The following ERICH2 variants were observed in gnomAD, a reference collection of about 807,000 sequenced individuals.
The protein encoded by ERICH2 is glutamate-rich protein 2.
In ERICH2, 17 loss-of-function variants were observed where a neutral mutation model predicts 17.4. That is an observed-to-expected ratio of 0.98 (90% CI 0.67 to 1.47). The LOEUF (loss-of-function observed/expected upper bound fraction) is 1.47, where lower values mean the gene tolerates loss of function less well. Ranked by LOEUF, ERICH2 falls within the 40% of genes most tolerant of loss-of-function variation. The pLI, the probability that ERICH2 is intolerant of heterozygous loss-of-function variation, is 0.00. For missense variants in ERICH2, 186 were observed against 183.2 expected, an observed-to-expected ratio of 1.01 and a Z score of -0.09; for synonymous variants, 51 against 61.1, an observed-to-expected ratio of 0.83 and a Z score of 0.77.
intron 2 of ERICH2, 82 bp downstream of exon 7, chr2:170,784,915 T>TGAGAA: frequency 8.6e-7 from 1 of 1,159,456 alleles, no homozygotes; most frequent in Non-Finnish European, 1.1e-6. Flanking sequence ...ATCACTACTG[T>TGAGAA]GAGAACTAAA....
intron 2 of ERICH2, among the ~76,000 whole-genome samples, chr2:170,791,527 T>TAAAAAAAAAAA (rs10658304): frequency 1.2e-4 from 15 of 121,580 alleles, no homozygotes; most frequent in African/African-American, 1.8e-4. Flanking sequence ...CCGTCTCTAC[T>TAAAAAAAAAAA]AAAAAAAAAA....
chr2:170,784,851 A>C lies in ERICH2; in HGVS notation c.216+18A>C, dbSNP rs974214300. 2.1e-6 allele frequency: 3 copies of C among 1,407,348 alleles called. No individual in the cohort carries two copies. Among genetic ancestry groups the C allele is most frequent in the Non-Finnish European group, 2.8e-6 (3 of 1,077,270 alleles). The allele number at this position is 1,407,348 out of a possible 1,614,324, so 87.2% of individuals were successfully genotyped here. On this transcript the variant is annotated intron_variant, in intron 2 of 4. Coordinates refer to ENST00000409885, the Ensembl canonical transcript of ERICH2. ...TGGCAGAAGTAAGTTTTACTTGTGC[A>C]TATAATTGAAGAAACTTTAAAATAT...
the ERICH2 span, chr2:170,775,774 G>C: frequency 6.5e-6 from 1 of 154,198 alleles, no homozygotes; most frequent in African/African-American, 2.4e-5. Flanking sequence ...GCTTGGTCAG[G>C]GTTCCCCAGA....
chr2:170,780,244 T>C (rs890223269), upstream of ERICH2, among the ~76,000 whole-genome samples: 1 of 152,208 alleles, frequency 6.6e-6, no homozygotes, highest in African/African-American at 2.4e-5. Flanking sequence ...TTACCTGTTT[T>C]TCTTAGTTAG....
At chr2:170,784,917 A>G in intron 2 of ERICH2, 84 bp downstream of exon 7, 4 of 1,153,308 alleles carry the variant, frequency 3.5e-6, no homozygotes, top group Non-Finnish European at 4.6e-6. Flanking sequence ...CACTACTGTG[A>G]GAACTAAAAA....
the ERICH2 span, among the ~76,000 whole-genome samples, chr2:170,774,961 A>G: frequency 1.1e-4 from 16 of 152,188 alleles, no homozygotes; most frequent in Admixed American, 5.2e-4. Context: ...TTCCTAGCTA[A>G]TGATAAAGCC....
chr2:170,774,564 C>CTTCTTT, the ERICH2 span, among the ~76,000 whole-genome samples: 9 of 98,566 alleles, frequency 9.1e-5, 1 homozygote, highest in Non-Finnish European at 7.5e-5. Context: ...AGAGCCCCAT[C>CTTCTTT]TTTTTTTTTT....
chr2:170,775,828 A>G, the ERICH2 span: 1 of 154,222 alleles, frequency 6.5e-6, no homozygotes. Context: ...TGCTTTATTC[A>G]GGAGCATAAG....
chr2:170,798,534 A>G (rs915452358), intron 4 of ERICH2, among the ~76,000 whole-genome samples: 3 of 152,248 alleles, frequency 2.0e-5, no homozygotes, highest in Non-Finnish European at 2.9e-5. Context: ...TTCATTGACA[A>G]TAGTAAAATT....
At chr2:170,790,287 G>A (rs1244549143) in intron 2 of ERICH2, among the ~76,000 whole-genome samples, 1 of 152,110 alleles carries the variant, frequency 6.6e-6, no homozygotes, top group Non-Finnish European at 1.5e-5. Flanking sequence ...TTGACGTCAG[G>A]AATTCAAGAC....
At chr2:170,775,744 A>T in the ERICH2 span, 3 of 153,754 alleles carry the variant, frequency 2.0e-5, no homozygotes. Flanking sequence ...GAGCTAATCG[A>T]ATTAACGTAT....
At chr2:170,786,963 G>C (rs6759584) in intron 2 of ERICH2, among the ~76,000 whole-genome samples, 104,044 of 152,008 alleles carry the variant, frequency 0.68, 35,730 homozygotes, top group East Asian at 0.79. Flanking sequence ...GTTAATTCTA[G>C]GTCAGTTTCT....
chr2:170,790,413 G>A (rs1026155478), intron 2 of ERICH2, among the ~76,000 whole-genome samples: 1 of 152,098 alleles, frequency 6.6e-6, no homozygotes, highest in African/African-American at 2.4e-5. Context: ...GATCACCTGA[G>A]GTCAGGAGTT....
chr2:170,778,644 G>T, the ERICH2 span, among the ~76,000 whole-genome samples: 62 of 151,976 alleles, frequency 4.1e-4, no homozygotes, highest in Admixed American at 4.1e-3. Context: ...GAAAAAAAGA[G>T]CCTTGTTACA....
intron 2 of ERICH2, among the ~76,000 whole-genome samples, chr2:170,787,840 C>T (rs1701192833): frequency 6.6e-6 from 1 of 152,174 alleles, no homozygotes; most frequent in African/African-American, 2.4e-5. Flanking sequence ...TCATAGGACC[C>T]ACTTTGTTTC....
At chr2:170,771,581 C>T in the ERICH2 span, among the ~76,000 whole-genome samples, 2 of 152,242 alleles carry the variant, frequency 1.3e-5, no homozygotes, top group East Asian at 3.8e-4. The surrounding 1 kb of genome is among the most constrained non-coding windows in gnomAD (Gnocchi z 4.8). Flanking sequence ...CCAGGGCTTC[C>T]CGACCCCCTT....
the ERICH2 span, among the ~76,000 whole-genome samples, chr2:170,776,886 TA>T: frequency 6.6e-6 from 1 of 152,090 alleles, no homozygotes; most frequent in East Asian, 1.9e-4. Context: ...TTAAGCTCAG[TA>T]CCCCTTAGTT....
At chr2:170,772,780 C>T in the ERICH2 span, among the ~76,000 whole-genome samples, 1 of 152,156 alleles carries the variant, frequency 6.6e-6, no homozygotes, top group East Asian at 1.9e-4. Flanking sequence ...TCCTTCTCAC[C>T]AGAGTTGCAG....
the ERICH2 span, chr2:170,775,780 C>G: frequency 6.5e-6 from 1 of 154,140 alleles, no homozygotes. Flanking sequence ...TCAGGGTTCC[C>G]CAGAAAGCAA....
Sources: allele counts gnomAD v4.1 joint callset (sites outside exome capture counted in the v4.1 genomes callset), GRCh38; gene constraint gnomAD v4.1.1; non-coding constraint Gnocchi (gnomAD v3.1); transcripts MANE v1.5; gene names NCBI Gene and HGNC (gene_info 2026-07-23, HGNC 2026-07-21).